Variants in PHF8 observed in about 807,000 individuals in gnomAD.
PHF8 encodes PHD finger protein 8.
PHF8 carries 9 observed loss-of-function variants against 74.4 expected under a neutral mutation model. The observed-to-expected ratio is 0.12, with a 90% CI of 0.07 to 0.21. The LOEUF (loss-of-function observed/expected upper bound fraction) is 0.21, where lower values mean the gene tolerates loss of function less well. PHF8 is among the 10% of genes least tolerant of loss of function. PHF8 has a pLI of 1.00. For missense variants in PHF8, 478 were observed against 816.6 expected (o/e 0.59, Z 5.05); for synonymous variants, 311 against 316.6 (o/e 0.98, Z 0.19).
At chrX:53,947,049 C>T (rs2064842370) in intron 19 of PHF8, among the ~76,000 whole-genome samples, 1 of 111,757 alleles carries the variant, frequency 8.9e-6, no homozygotes, top group African/African-American at 3.2e-5. Context: ...CTTGCTTTGT[C>T]GCCCAAGGCT....
rs7888935 is a variant in PHF8, at chrX:54,010,847, C to T, written c.946+275G>A. 5.6e-3 allele frequency among the ~76,000 whole-genome samples: 626 copies of T among 111,084 alleles called. 2 individuals are homozygous for T. The highest frequency in any genetic ancestry group is 0.019 in the African/African-American group (591 of 30,579). On this transcript the variant is annotated intron_variant, in intron 8 of 21. Transcript: ENST00000338154. ...CTCCCAGGCACTATCCCTAGAGTTA[C>T]GGGGCTTAGAGTCATGTTCTCTGTT...
intron 2 of PHF8, among the ~76,000 whole-genome samples, chrX:54,029,599 A>G (rs1450516770): frequency 6.3e-5 from 7 of 111,938 alleles, no homozygotes; most frequent in African/African-American, 2.3e-4. Context: ...TCCCTTGGGT[A>G]TAGGGATAAC....
intron 20 of PHF8, chrX:53,943,159 C>T: frequency 1.2e-6 from 1 of 859,292 alleles, no homozygotes; most frequent in South Asian, 6.7e-5. Flanking sequence ...CAGTAGAACC[C>T]CCTTTTTCAA....
chrX:53,999,194 C>A (rs1557103663), intron 11 of PHF8, among the ~76,000 whole-genome samples: 1 of 111,405 alleles, frequency 9.0e-6, no homozygotes, highest in African/African-American at 3.3e-5. Flanking sequence ...CCTGGGCCAC[C>A]CGGGACAGCA....
At chrX:53,963,779 T>C (rs1158526374) in intron 18 of PHF8, among the ~76,000 whole-genome samples, 1 of 112,197 alleles carries the variant, frequency 8.9e-6, no homozygotes, top group East Asian at 2.8e-4. Flanking sequence ...GCTTTTACAC[T>C]GTTGGTGGGA....
Position 53,968,561 on chromosome X carries a change from C to A in PHF8, c.2444-5622G>T, listed in dbSNP as rs782348037. On this transcript the variant is annotated intron_variant, in intron 18 of 21. Transcript: ENST00000338154. Reference sequence around the variant, plus strand: ...AGGGAATACTTCCACAAAACTCATTCTATGAGGCCAGCATTATCCTGATAC... The same window carrying A: ...AGGGAATACTTCCACAAAACTCATTATATGAGGCCAGCATTATCCTGATAC... Among the ~76,000 whole-genome samples, 46 of 112,541 alleles carry A rather than the reference C, an allele frequency of 4.1e-4. No individual in the cohort carries two copies. In the East Asian group the frequency reaches 8.3e-3, roughly 20 times the overall value.
At chrX:53,995,928 A>AG in intron 11 of PHF8, 146 bp from the exon 12 acceptor site, 1 of 435,835 alleles carries the variant, frequency 2.3e-6, no homozygotes, top group Non-Finnish European at 4.0e-6. Flanking sequence ...GCAAAAAAAA[A>AG]AACAAAAACA....
chrX:54,010,761 T>G, intron 8 of PHF8, among the ~76,000 whole-genome samples: 1 of 110,856 alleles, frequency 9.0e-6, no homozygotes, highest in Non-Finnish European at 1.9e-5. Flanking sequence ...ACAAACTGTT[T>G]AGGGAAAAAA....
chrX:54,042,587 C>T, intron 2 of PHF8, 44 bp downstream of exon 2: 1 of 1,099,000 alleles, frequency 9.1e-7, no homozygotes, highest in Non-Finnish European at 1.3e-6. Context: ...CAAGTGAACA[C>T]ACCTGGCCAC....
chrX:53,996,095 C>G (rs2065742410), intron 11 of PHF8, among the ~76,000 whole-genome samples: 1 of 110,859 alleles, frequency 9.0e-6, no homozygotes, highest in Non-Finnish European at 1.9e-5. Context: ...CACAAATTAG[C>G]AAACTTTCTT....
intron 19 of PHF8, among the ~76,000 whole-genome samples, chrX:53,960,074 A>G (rs782569849): frequency 9.2e-6 from 1 of 108,323 alleles, no homozygotes; most frequent in African/African-American, 3.4e-5. Flanking sequence ...ATTTTTCTAT[A>G]CTTTTTTGTG....
chrX:53,974,293 C>T (rs782339601), intron 18 of PHF8, among the ~76,000 whole-genome samples: 1 of 111,298 alleles, frequency 9.0e-6, no homozygotes, highest in South Asian at 3.8e-4. Context: ...GACATTCATG[C>T]GGCCATCATA....
chrX:53,939,134 G>A lies in PHF8; in HGVS notation c.*24C>T. 8.3e-7 allele frequency: 1 copy of A among 1,206,752 alleles called. No individual in the cohort carries two copies. Among genetic ancestry groups the A allele is most frequent in the South Asian group, 1.8e-5 (1 of 56,434 alleles). The stretch of plus-strand genomic sequence containing the variant: ...TGGAGAAGGCAATGGGGGTAAAGGG[G>A]TGAGGGGTGGGACACAGGAGGGCTC... On this transcript the variant is annotated 3_prime_UTR_variant, in exon 22 of 22. Transcript: ENST00000338154.
intron 18 of PHF8, among the ~76,000 whole-genome samples, chrX:53,966,679 C>T (rs1434414657): frequency 6.3e-5 from 7 of 111,921 alleles, no homozygotes; most frequent in Non-Finnish European, 1.1e-4. Context: ...AGGAGCGTCT[C>T]TGCCTGGCCA....
In PHF8 at chrX:53,939,098, A is replaced by G. The variant is rs1557082641; in HGVS notation, c.*60T>C. The G allele has an allele frequency of 1.7e-6, 2 of 1,195,495 alleles. No individual in the cohort carries two copies. Among genetic ancestry groups the G allele is most frequent in the East Asian group, 3.0e-5 (1 of 33,517 alleles). On this transcript the variant is annotated 3_prime_UTR_variant, in exon 22 of 22. Coordinates refer to ENST00000338154, the MANE Select transcript of PHF8 (RefSeq NM_015107.3). The stretch of plus-strand genomic sequence containing the variant: ...GCAGATAGGATCCAGGAGTGCCCCA[A>G]GAGTTGACAATGGAGAAGGCAATGG...
chrX:54,002,373 C>T (rs2065839607), intron 9 of PHF8, 112 bp from the exon 10 acceptor site: 4 of 573,341 alleles, frequency 7.0e-6, no homozygotes, highest in Non-Finnish European at 9.1e-6. Context: ...AATGACTCTG[C>T]AAGATCTGAC....
intron 8 of PHF8, among the ~76,000 whole-genome samples, chrX:54,007,560 G>A (rs2065915151): frequency 9.0e-6 from 1 of 111,603 alleles, no homozygotes; most frequent in African/African-American, 3.3e-5. Flanking sequence ...CAACAATGAA[G>A]AGACAATCTA....
Position 53,937,937 on chromosome X carries a change from G to A in PHF8, c.*1221C>T, listed in dbSNP as rs2064691196. ...CTGGACAATGGAGACAATCCACGAA[G>A]GAAGGACAGGGGAAGGGGAGGATCG... On this transcript the variant is annotated 3_prime_UTR_variant, in exon 22 of 22. Transcript: ENST00000338154. 1 of 1,073,101 alleles carries A rather than the reference G, an allele frequency of 9.3e-7. No homozygotes were observed. 88.4% of individuals were successfully genotyped at this position (1,073,101 alleles called of 1,213,427 possible).
At chrX:53,987,731 G>A (rs369669186) in intron 15 of PHF8, 35 bp downstream of exon 15, 192 of 1,106,782 alleles carry the variant, frequency 1.7e-4, no homozygotes, top group East Asian at 7.7e-4. Flanking sequence ...ACAAAAAAAC[G>A]GGCAGGGGAG....
Sources: gnomAD v4.1 joint callset for allele counts (sites outside exome capture counted in the v4.1 genomes callset) on GRCh38, gnomAD v4.1.1 for gene constraint, MANE v1.5 for transcripts, NCBI Gene and HGNC (gene_info 2026-07-23, HGNC 2026-07-21) for gene names.